HIBCH: variants seen among roughly 807,000 people sequenced by gnomAD.
The protein encoded by HIBCH is 3-hydroxyisobutyryl-CoA hydrolase, mitochondrial.
A neutral mutation model predicts 58.2 loss-of-function variants in HIBCH; 50 were observed. The ratio of observed to expected loss-of-function variants is 0.86; its 90% confidence interval spans 0.68 to 1.09. The LOEUF (loss-of-function observed/expected upper bound fraction) is 1.09, where lower values mean the gene tolerates loss of function less well. Ranked by LOEUF, HIBCH falls within the 50% of genes least tolerant of loss-of-function variation. HIBCH has a pLI of 0.00. For missense variants in HIBCH, 450 were observed against 449.7 expected, an observed-to-expected ratio of 1.00 and a Z score of -0.01; for synonymous variants, 151 against 146.9, an observed-to-expected ratio of 1.03 and a Z score of -0.20.
intron 7 of HIBCH, 88 bp downstream of exon 7, chr2:190,261,068 A>G: frequency 1.0e-6 from 1 of 957,890 alleles, no homozygotes; most frequent in African/African-American, 1.6e-5. Context: ...ACAAGAGTCC[A>G]TCAATTCCTT....
intron 11 of HIBCH, among the ~76,000 whole-genome samples, chr2:190,237,629 C>T (rs1360949704): frequency 1.3e-5 from 2 of 152,000 alleles, no homozygotes; most frequent in African/African-American, 4.8e-5. Flanking sequence ...TGCCAAACTG[C>T]ATTCTTGCTG....
rs1035263968 is a variant in HIBCH at position 190,243,220 on chromosome 2, C to G, written c.891+1667G>C. On this transcript the variant is annotated intron_variant, in intron 11 of 13. Coordinates refer to ENST00000359678, the MANE Select transcript of HIBCH (RefSeq NM_014362.4). The surrounding 1 kb of genome is among the most constrained non-coding windows in gnomAD (Gnocchi z 4.1). ...CAGAGAATATAAAGCAGGCAGAAAA[C>G]CGTGTAAAGGAGAGACTGGCCTAGC... is the stretch of plus-strand genomic sequence containing the variant. 6.6e-6 allele frequency among the ~76,000 whole-genome samples: 1 copy of G among 152,162 alleles called. No individual in the cohort carries two copies.
In HIBCH at chr2:190,279,126, G is replaced by C. The variant is rs574200764; in HGVS notation, c.438+8460C>G. 6.6e-6 allele frequency among the ~76,000 whole-genome samples: 1 copy of C among 152,292 alleles called. No individual in the cohort carries two copies. The highest frequency in any genetic ancestry group is 2.1e-4 in the South Asian group (1 of 4,830). ...TGCAGAGCCCTGATCTGGTGAAGGG[G>C]CAAGAGCATGCCAAACTGGCTTTTA... On this transcript the variant is annotated intron_variant, in intron 6 of 13. Transcript: ENST00000359678. The surrounding 1 kb of genome is among the most constrained non-coding windows in gnomAD (Gnocchi z 4.2).
At chr2:190,277,584 A>G (rs1297515560) in intron 6 of HIBCH, among the ~76,000 whole-genome samples, 1 of 152,232 alleles carries the variant, frequency 6.6e-6, no homozygotes, top group African/African-American at 2.4e-5. Context: ...AGCAGAAGCC[A>G]TTGAACTGAG....
At chr2:190,238,778 T>C (rs1289092041) in intron 11 of HIBCH, among the ~76,000 whole-genome samples, 2 of 152,240 alleles carry the variant, frequency 1.3e-5, no homozygotes, top group Non-Finnish European at 2.9e-5. Context: ...CGTCTTCTTT[T>C]GAGAAGTGTC....
Position 190,210,387 on chromosome 2 carries a change from C to G in HIBCH, c.1012-1474G>C, listed in dbSNP as rs1690489501. On this transcript the variant is annotated intron_variant, in intron 12 of 13. Transcript: ENST00000359678. This position sits in a 1 kb window ranked among gnomAD's most constrained non-coding sequence, Gnocchi z 5.5. ...CACTACACTCTCCTGGTCCTCCTAC[C>G]TCTCCATCCTTTTTTTCCTTCCTAC... is the stretch of plus-strand genomic sequence containing the variant. 6.6e-6 allele frequency among the ~76,000 whole-genome samples: 1 copy of G among 152,136 alleles called. No homozygotes were observed. The highest frequency in any genetic ancestry group is 1.5e-5 in the Non-Finnish European group (1 of 68,026).
chr2:190,262,369 G>A (rs934904334), intron 6 of HIBCH, among the ~76,000 whole-genome samples: 3 of 152,100 alleles, frequency 2.0e-5, no homozygotes, highest in Non-Finnish European at 2.9e-5. Flanking sequence ...TCTAATAACT[G>A]CCCCATTCTC....
chr2:190,202,043 C>T (rs4853686), downstream of HIBCH: 165,785 of 167,148 alleles, frequency 0.99, 82,243 homozygotes, highest in East Asian at 1. Flanking sequence ...CCCCACTAAA[C>T]TTTTCAGTAT....
intron 2 of HIBCH, among the ~76,000 whole-genome samples, chr2:190,303,006 G>T (rs1462632969): frequency 1.3e-5 from 2 of 152,148 alleles, no homozygotes; most frequent in Non-Finnish European, 2.9e-5. Flanking sequence ...GTTTAAATTA[G>T]TAAGTAATGG....
chr2:190,229,661 A>G (rs976980084), intron 11 of HIBCH, among the ~76,000 whole-genome samples: 2 of 152,260 alleles, frequency 1.3e-5, no homozygotes, highest in Non-Finnish European at 2.9e-5. Context: ...AAATAATATG[A>G]ATTGCAAATT....
rs999631006 is a variant in HIBCH, at chr2:190,279,185, C to T, written c.438+8401G>A. Among the ~76,000 whole-genome samples the T allele has an allele frequency of 6.6e-6, 1 of 152,180 alleles. No homozygotes were observed. Among genetic ancestry groups the T allele is most frequent in the Admixed American group, 6.5e-5 (1 of 15,276 alleles). On this transcript the variant is annotated intron_variant, in intron 6 of 13. Transcript: ENST00000359678. The surrounding 1 kb of genome is among the most constrained non-coding windows in gnomAD (Gnocchi z 4.2). ...CCATTCCCATGGTAATTAAACCATT[C>T]TTCCTGTGATAACCTATTAATCCAT...
chr2:190,284,511 T>C (rs938195801), intron 6 of HIBCH, among the ~76,000 whole-genome samples: 4 of 152,252 alleles, frequency 2.6e-5, no homozygotes, highest in Non-Finnish European at 5.9e-5. Context: ...GTTACTGAAA[T>C]ATTCTCAGTA....
At chr2:190,250,159 G>A (rs1686721127) in intron 8 of HIBCH, 2 of 316,754 alleles carry the variant, frequency 6.3e-6, no homozygotes, top group African/African-American at 4.3e-5. Context: ...AGCCAAACAG[G>A]ACTTTTTACT....
At chr2:190,201,197 C>CTGTT (rs1425875059), downstream of HIBCH, 3 of 166,996 alleles carry the variant, frequency 1.8e-5, no homozygotes, top group East Asian at 3.8e-4. Context: ...ACCTATTATA[C>CTGTT]TGTTTCCATA....
chr2:190,222,934 T>C (rs967734282), intron 11 of HIBCH, among the ~76,000 whole-genome samples: 1 of 152,208 alleles, frequency 6.6e-6, no homozygotes, highest in Non-Finnish European at 1.5e-5. Context: ...TGGAATACTA[T>C]GCAGCCATAA....
At chr2:190,294,706 A>C in intron 3 of HIBCH, 76 bp from the exon 4 acceptor site, 1 of 863,968 alleles carries the variant, frequency 1.2e-6, no homozygotes. Flanking sequence ...ATATGCACAT[A>C]TATTCAATCA....
At chr2:190,208,967 GTTA>G in intron 12 of HIBCH, 54 bp from the exon 13 acceptor site, 1 of 1,512,820 alleles carries the variant, frequency 6.6e-7, no homozygotes, top group Non-Finnish European at 9.1e-7. Flanking sequence ...CTTATTCTGG[GTTA>G]TTTTCTCTCT....
At chr2:190,220,983 T>A (rs1685702927) in intron 11 of HIBCH, among the ~76,000 whole-genome samples, 1 of 152,212 alleles carries the variant, frequency 6.6e-6, no homozygotes, top group Non-Finnish European at 1.5e-5. Flanking sequence ...CTATGTAACC[T>A]GGATTTCTCA....
intron 7 of HIBCH, among the ~76,000 whole-genome samples, chr2:190,260,899 A>AT (rs1171983225): frequency 4.6e-5 from 7 of 152,148 alleles, no homozygotes; most frequent in African/African-American, 1.4e-4. Context: ...CCTTAATGAT[A>AT]TTTTATCTAT....
Sources: gnomAD v4.1 joint callset for allele counts (sites outside exome capture counted in the v4.1 genomes callset) on GRCh38, gnomAD v4.1.1 for gene constraint, Gnocchi (gnomAD v3.1) non-coding constraint, MANE v1.5 for transcripts, NCBI Gene and HGNC (gene_info 2026-07-23, HGNC 2026-07-21) for gene names.